Variants in PTK7 observed in about 807,000 individuals in gnomAD.
PTK7 encodes inactive tyrosine-protein kinase 7.
In PTK7, 39 loss-of-function variants were observed where a neutral mutation model predicts 116.6. The observed-to-expected ratio is 0.33, with a 90% confidence interval of 0.26 to 0.44. The LOEUF (loss-of-function observed/expected upper bound fraction) is 0.44. Ranked by LOEUF, PTK7 falls within the 20% of genes least tolerant of loss-of-function variation. The probability of loss-of-function intolerance (pLI) is 1.00; values close to 1 mark genes in which losing one functional copy is unlikely to be tolerated. For missense variants in PTK7, 1,169 were observed against 1,425.6 expected (o/e 0.82, Z 2.90); for synonymous variants, 546 against 563.6 (o/e 0.97, Z 0.44).
chr6:43,149,329 G>T (rs1770936088), intron 17 of PTK7, among the ~76,000 whole-genome samples: 1 of 152,064 alleles, frequency 6.6e-6, no homozygotes, highest in African/African-American at 2.4e-5. Context: ...CTGAGATCTT[G>T]CCACTGCACT....
At chr6:43,130,479 G>A (rs1769596892) in intron 4 of PTK7, 32 bp from the exon 5 acceptor site, 1 of 1,610,748 alleles carries the variant, frequency 6.2e-7, no homozygotes. Context: ...TCACCACCCA[G>A]GCTGCATGCT....
rs554582867 is a variant in PTK7 at position 43,124,034 on chromosome 6, G to A, written c.80-4943G>A. ...GCACATGGAGCTGGCTGCCTCCGGGGTCACGTGGCCTGCATCTCCATGGGG... is the reference window on the plus strand; with the variant it reads ...GCACATGGAGCTGGCTGCCTCCGGGATCACGTGGCCTGCATCTCCATGGGG... On this transcript the variant is annotated intron_variant, in intron 1 of 19. Coordinates refer to ENST00000230419, the MANE Select transcript of PTK7 (RefSeq NM_002821.5). Among the ~76,000 whole-genome samples the A allele has an allele frequency of 2.8e-4, 43 of 152,316 alleles. 1 individual carries two copies. Among genetic ancestry groups the A allele is most frequent in the South Asian group, 1.7e-3 (8 of 4,828 alleles).
intron 17 of PTK7, among the ~76,000 whole-genome samples, chr6:43,158,382 G>A (rs1242282508): frequency 3.3e-5 from 5 of 152,124 alleles, no homozygotes; most frequent in Non-Finnish European, 7.4e-5. Flanking sequence ...TGGGAGGATT[G>A]CTTGAGCCCA....
chr6:43,141,712 C>T lies in PTK7; in HGVS notation c.1663C>T (p.Leu555=). The change falls in exon 11 of 20, where the codon CTG becomes TTG. Residue 555 remains leucine (L), a synonymous_variant. Coordinates refer to ENST00000230419, the MANE Select transcript of PTK7 (RefSeq NM_002821.5). This position sits in a 1 kb window ranked among gnomAD's most constrained non-coding sequence, Gnocchi z 4.9. ...GTGGGTGACAGACAACGCTGGGACC[C>T]TGCATTTTGCCCGGGTGACTCGAGA... is the stretch of plus-strand genomic sequence containing the variant. ...PEWVTDNAGT[L]HFARVTRDDA... 6.2e-7 allele frequency: 1 copy of T among 1,614,192 alleles called. No homozygotes were observed. The highest frequency in any genetic ancestry group is 1.1e-5 in the South Asian group (1 of 91,086).
chr6:43,157,182 T>G (rs994872969), intron 17 of PTK7, among the ~76,000 whole-genome samples: 4 of 148,360 alleles, frequency 2.7e-5, no homozygotes, highest in Admixed American at 1.3e-4. Flanking sequence ...TTTTTTTTTT[T>G]TCCCACAAAA....
At chr6:43,124,960 G>T (rs1025413041) in intron 1 of PTK7, among the ~76,000 whole-genome samples, 3 of 152,110 alleles carry the variant, frequency 2.0e-5, no homozygotes, top group African/African-American at 4.8e-5. Flanking sequence ...ATCACCTGAG[G>T]TTGGGAGTTC....
At chr6:43,105,450 CA>C (rs34623759) in intron 1 of PTK7, among the ~76,000 whole-genome samples, 14,542 of 93,206 alleles carry the variant, frequency 0.16, 592 homozygotes, top group Middle Eastern at 0.2. Flanking sequence ...AACTGTATAG[CA>C]AAAAAAAAAA....
At chr6:43,119,359 T>A (rs192129876) in intron 1 of PTK7, among the ~76,000 whole-genome samples, 10 of 152,294 alleles carry the variant, frequency 6.6e-5, no homozygotes, top group African/African-American at 2.4e-4. Flanking sequence ...ATCATTAAAC[T>A]AAGGCTACAA....
At chr6:43,093,964 A>G (rs1767097286) in intron 1 of PTK7, among the ~76,000 whole-genome samples, 1 of 152,168 alleles carries the variant, frequency 6.6e-6, no homozygotes, top group African/African-American at 2.4e-5. Flanking sequence ...TGGTTAGAAA[A>G]AGCAACCAGT....
At position 43,154,555 on chromosome 6, in the gene PTK7, T is replaced by G. The variant is rs1771309100; in HGVS notation, c.2722-4262T>G. Among the ~76,000 whole-genome samples the G allele has an allele frequency of 3.3e-5, 5 of 151,580 alleles. No homozygotes were observed. The South Asian group carries it at 1.0e-3, about 32-fold the overall frequency. The stretch of plus-strand genomic sequence containing the variant: ...GTGATGCACTCTATTTTCTATTCCC[T>G]TTTTTTTTCTTTAATGCTGGCTAAG... On this transcript the variant is annotated intron_variant, in intron 17 of 19. Transcript: ENST00000230419.
chr6:43,148,551 T>C (rs1770857593), intron 17 of PTK7, among the ~76,000 whole-genome samples: 1 of 152,118 alleles, frequency 6.6e-6, no homozygotes, highest in African/African-American at 2.4e-5. Flanking sequence ...CAAGGTGGGA[T>C]TCTCTGGCTG....
At chr6:43,088,468 G>T (rs891970117) in intron 1 of PTK7, among the ~76,000 whole-genome samples, 4 of 152,140 alleles carry the variant, frequency 2.6e-5, no homozygotes, top group Non-Finnish European at 5.9e-5. Context: ...GCCGAGGCGG[G>T]TGGATCATGA....
intron 13 of PTK7, chr6:43,142,613 A>G (rs1480397141): frequency 2.4e-5 from 11 of 449,228 alleles, no homozygotes; most frequent in Middle Eastern, 6.5e-4. Context: ...GGGGAGGAGG[A>G]CCAGGTCAGA....
At position 43,144,537 on chromosome 6, in the gene PTK7, A is replaced by G. The variant is rs753504570; in HGVS notation, c.2338A>G (p.Asn780Asp). The stretch of plus-strand genomic sequence containing the variant: ...CTTGGGCTCCGGCCCCGCGGCCACC[A>G]ACAAACGCCACAGCACAAGTGATAA... ...TSLGSGPAAT[N>D]KRHSTSDKMH... is the part of the protein sequence containing the mutation. Residue 780 changes from asparagine to aspartate, a missense_variant, in exon 15 of 20, where the codon AAC becomes GAC. Around this residue, in one of 3 missense-constraint regions of PTK7, gnomAD observed 678 missense variants for 853.8 expected, o/e 0.79. Coordinates refer to ENST00000230419, the MANE Select transcript of PTK7 (RefSeq NM_002821.5). 1.9e-6 allele frequency: 3 copies of G among 1,614,234 alleles called. No individual in the cohort carries two copies. The highest frequency in any genetic ancestry group is 2.5e-6 in the Non-Finnish European group (3 of 1,180,042).
intron 1 of PTK7, among the ~76,000 whole-genome samples, chr6:43,112,760 G>C (rs1418604125): frequency 6.6e-6 from 1 of 152,080 alleles, no homozygotes; most frequent in Non-Finnish European, 1.5e-5. Context: ...AAGATGACTT[G>C]CTCAGAGCCA....
intron 1 of PTK7, among the ~76,000 whole-genome samples, chr6:43,106,074 C>T (rs1034242126): frequency 6.6e-6 from 1 of 152,066 alleles, no homozygotes; most frequent in Non-Finnish European, 1.5e-5. Context: ...AACAGGGACT[C>T]ATTGTGGTTG....
At chr6:43,158,235 C>G (rs149884308) in intron 17 of PTK7, among the ~76,000 whole-genome samples, 3,404 of 151,284 alleles carry the variant, frequency 0.023, 135 homozygotes, top group African/African-American at 0.077. Context: ...GGAGGCAGAG[C>G]TTGAAGTGAG....
rs190028408 is a variant in PTK7, at chr6:43,088,975, A to G, written c.79+12408A>G. Among the ~76,000 whole-genome samples, 522 of 152,198 alleles carry G rather than the reference A, an allele frequency of 3.4e-3. 3 individuals are homozygous for G. Among genetic ancestry groups the G allele is most frequent in the African/African-American group, 0.011 (469 of 41,510 alleles). ...CGTAGGAGGTAATAGAGTCATCCCCATAGTGGTTAATAGAGTTAGCCACCT... is the reference window on the plus strand; with the variant it reads ...CGTAGGAGGTAATAGAGTCATCCCCGTAGTGGTTAATAGAGTTAGCCACCT... On this transcript the variant is annotated intron_variant, in intron 1 of 19. Coordinates refer to ENST00000230419, the MANE Select transcript of PTK7 (RefSeq NM_002821.5).
At chr6:43,118,653 CTCTCTCTATA>C (rs1297566040) in intron 1 of PTK7, among the ~76,000 whole-genome samples, 1,709 of 78,976 alleles carry the variant, frequency 0.022, 17 homozygotes, top group African/African-American at 0.044. Flanking sequence ...CTCTCTCTCT[CTCTCTCTATA>C]TATATATATA....
Sources: gnomAD v4.1 joint callset for allele counts (sites outside exome capture counted in the v4.1 genomes callset) on GRCh38, gnomAD v4.1.1 for gene constraint, gnomAD v4.1.1 regional missense constraint, Gnocchi (gnomAD v3.1) non-coding constraint, MANE v1.5 for transcripts, NCBI Gene and HGNC (gene_info 2026-07-23, HGNC 2026-07-21) for gene names.